ITK: variants seen among roughly 807,000 people sequenced by gnomAD.
ITK encodes the protein IL2 inducible T cell kinase.
ITK carries 45 observed loss-of-function variants against 87.6 expected under a neutral mutation model. That is an observed-to-expected ratio of 0.51 (90% CI 0.40 to 0.66). The LOEUF is 0.66. ITK is among the 30% of genes least tolerant of loss of function. ITK has a pLI of 0.00. For missense variants in ITK, 605 were observed against 766.3 expected, an observed-to-expected ratio of 0.79 and a Z score of 2.48; for synonymous variants, 303 against 273.6, an observed-to-expected ratio of 1.11 and a Z score of -1.06.
At chr5:157,239,476 C>T (rs373042175) in intron 9 of ITK, among the ~76,000 whole-genome samples, 2 of 150,910 alleles carry the variant, frequency 1.3e-5, no homozygotes, top group African/African-American at 4.9e-5. Context: ...TGCCAAAGTT[C>T]CAGATACCCA....
At chr5:157,209,821 C>A (rs954258865) in intron 2 of ITK, among the ~76,000 whole-genome samples, 10 of 152,168 alleles carry the variant, frequency 6.6e-5, no homozygotes, top group Non-Finnish European at 1.2e-4. Context: ...AAAAATTCAG[C>A]TTCTTAGTCA....
chr5:157,231,140 G>T (rs922977429), intron 7 of ITK, among the ~76,000 whole-genome samples: 1 of 152,166 alleles, frequency 6.6e-6, no homozygotes, highest in Non-Finnish European at 1.5e-5. Flanking sequence ...AATGGATTCA[G>T]GTCTCCTGCC....
intron 1 of ITK, chr5:157,199,410 G>A (rs1753918665): frequency 6.6e-6 from 1 of 152,252 alleles, no homozygotes; most frequent in Non-Finnish European, 1.5e-5. Context: ...TTGGAGCAAA[G>A]AGGAGTGGCT....
chr5:157,192,475 G>A (rs574463317), intron 1 of ITK, among the ~76,000 whole-genome samples: 29 of 152,344 alleles, frequency 1.9e-4, no homozygotes, highest in South Asian at 1.2e-3. Context: ...CCAGAAAAGC[G>A]GATGAGGTGA....
chr5:157,228,221 T>C, intron 6 of ITK, 75 bp from the exon 7 acceptor site: 2 of 910,882 alleles, frequency 2.2e-6, no homozygotes, highest in East Asian at 2.4e-5. Context: ...TAAATGACTT[T>C]TAATGGATTA....
intron 1 of ITK, among the ~76,000 whole-genome samples, chr5:157,188,061 A>G (rs1022670006): frequency 1.3e-5 from 2 of 152,118 alleles, no homozygotes; most frequent in African/African-American, 4.8e-5. Context: ...TCAGCCTCCA[A>G]AAGTGCTGGG....
At chr5:157,195,483 A>G (rs2113742695) in intron 1 of ITK, 1 of 152,244 alleles carries the variant, frequency 6.6e-6, no homozygotes, top group African/African-American at 2.4e-5. Flanking sequence ...TTTTATTTTT[A>G]TTTTTTCAGA....
chr5:157,241,409 A>G (rs1041394712), intron 10 of ITK: 3 of 360,346 alleles, frequency 8.3e-6, no homozygotes, highest in African/African-American at 6.2e-5. Flanking sequence ...ATTATATTAT[A>G]TATCTTCTAT....
At chr5:157,237,935 G>T (rs1482581467) in intron 8 of ITK, among the ~76,000 whole-genome samples, 174 bp from the exon 9 acceptor site, 1 of 152,236 alleles carries the variant, frequency 6.6e-6, no homozygotes, top group Non-Finnish European at 1.5e-5. Flanking sequence ...AGGAGACCAA[G>T]AAATATCTAC....
At position 157,209,286 on chromosome 5, in the gene ITK, C is replaced by A. The variant is rs1049929277; in HGVS notation, c.243+293C>A. Among the ~76,000 whole-genome samples the A allele has an allele frequency of 2.0e-5, 3 of 150,198 alleles. No individual in the cohort carries two copies. In the South Asian group the frequency reaches 6.3e-4, roughly 32 times the overall value. ...GGCAGAGTTTTCAGTGAGCCAAGAT[C>A]GTGCCATTCACTCCAGCCCAGGCAA... On this transcript the variant is annotated intron_variant, in intron 2 of 16. Transcript: ENST00000422843.
In ITK at chr5:157,248,943, G is replaced by A. The variant is rs762344567; in HGVS notation, c.1727G>A (p.Arg576Gln). 15 of 1,613,748 alleles carry A rather than the reference G, an allele frequency of 9.3e-6. No individual in the cohort carries two copies. The highest frequency in any genetic ancestry group is 6.7e-5 in the Admixed American group (4 of 59,988). The change falls in exon 16 of 17, where the codon CGG becomes CAG. Residue 576 changes from arginine to glutamine, a missense_variant. By Grantham distance (43) the Arg-to-Gln change is conservative (BLOSUM62 1). Around this residue, in one of 3 missense-constraint regions of ITK, gnomAD observed 71 missense variants for 65.8 expected, o/e 1.08. Transcript: ENST00000422843. Reference sequence around the variant, plus strand: ...GTGGAAGACATCAGTACCGGATTTCGGTTGTACAAGCCCCGGCTGGCCTCC... The same window carrying A: ...GTGGAAGACATCAGTACCGGATTTCAGTTGTACAAGCCCCGGCTGGCCTCC... ...EVVEDISTGFRLYKPRLASTH... is the reference protein window; with the variant it reads ...EVVEDISTGFQLYKPRLASTH...
chr5:157,180,918 T>G lies in ITK; in HGVS notation c.-60T>G, dbSNP rs531949883. 1.0e-5 allele frequency: 16 copies of G among 1,587,676 alleles called. No individual in the cohort carries two copies. In the African/African-American group the frequency reaches 1.9e-4, roughly 19 times the overall value. ...CATTGCATTCTTTGCCCCAAAACTC[T>G]TTCCTTTGGTTGTGCTAAGAGGTGA... On this transcript the variant is annotated 5_prime_UTR_variant, in exon 1 of 17. Transcript: ENST00000422843.
chr5:157,193,542 T>C (rs530296394), intron 1 of ITK, among the ~76,000 whole-genome samples: 1 of 152,224 alleles, frequency 6.6e-6, no homozygotes, highest in African/African-American at 2.4e-5. Flanking sequence ...ATATTCACAA[T>C]AACCACATTC....
intron 8 of ITK, 31 bp from the exon 9 acceptor site, chr5:157,238,078 A>G (rs372206530): frequency 6.4e-7 from 1 of 1,555,820 alleles, no homozygotes; most frequent in South Asian, 1.1e-5. Context: ...TCCTGAGATC[A>G]CTAACTTTCC....
chr5:157,237,737 A>G (rs115262100), intron 8 of ITK, among the ~76,000 whole-genome samples: 350 of 152,328 alleles, frequency 2.3e-3, no homozygotes, highest in African/African-American at 7.7e-3. Context: ...TGGGAATGCC[A>G]CTTAAGCTCT....
intron 4 of ITK, among the ~76,000 whole-genome samples, chr5:157,217,263 G>C (rs34307449): frequency 6.6e-6 from 1 of 152,130 alleles, no homozygotes; most frequent in Non-Finnish European, 1.5e-5. Flanking sequence ...CTAAACAGAC[G>C]GAGACATGGA....
rs1481258653 is a variant in ITK at position 157,214,324 on chromosome 5, G to A, written c.454+5G>A. On this transcript the variant is annotated splice_donor_5th_base_variant and intron_variant, in intron 4 of 16. Transcript: ENST00000422843. ...AATATGATCCAACCAAGAATGGTAA[G>A]AGACTGGGAATTCCCTCTAGTTTTT... is the stretch of plus-strand genomic sequence containing the variant. 1.2e-6 allele frequency: 2 copies of A among 1,612,786 alleles called. No homozygotes were observed.
At position 157,253,015 on chromosome 5, in the gene ITK, G is replaced by C; in HGVS notation, c.*337G>C. ...TTCTTAGCAACAGAGAGAGACATGA[G>C]TAAGACCCAGATTGCTATTTTTATT... On this transcript the variant is annotated 3_prime_UTR_variant, in exon 17 of 17. Coordinates refer to ENST00000422843, the MANE Select transcript of ITK (RefSeq NM_005546.4). The C allele has an allele frequency of 2.4e-6, 1 of 409,622 alleles. No homozygotes were observed. 25.4% of individuals were successfully genotyped at this position (409,622 alleles called of 1,614,324 possible).
intron 1 of ITK, among the ~76,000 whole-genome samples, chr5:157,207,481 C>T (rs1382936985): frequency 2.1e-5 from 3 of 144,346 alleles, no homozygotes; most frequent in African/African-American, 5.1e-5. Flanking sequence ...CCCGGATTCA[C>T]GCCATTCTCC....
Sources: allele counts gnomAD v4.1 joint callset (sites outside exome capture counted in the v4.1 genomes callset), GRCh38; gene constraint gnomAD v4.1.1; regional missense constraint gnomAD v4.1.1; transcripts MANE v1.5; gene names NCBI Gene and HGNC (gene_info 2026-07-23, HGNC 2026-07-21).